Variants in DOCK2 observed in about 807,000 individuals in gnomAD.
DOCK2 encodes dedicator of cytokinesis protein 2.
DOCK2 carries 87 observed loss-of-function variants against 248.9 expected under a neutral mutation model. That is an observed-to-expected ratio of 0.35 (90% CI 0.29 to 0.42). The LOEUF is 0.42. Among genes scored for constraint, DOCK2 ranks in the 10% least tolerant of loss-of-function variants. DOCK2 has a pLI of 1.00. For synonymous variants in DOCK2, 805 were observed against 821.6 expected (o/e 0.98, Z 0.35); for missense variants, 1,747 against 2,300.2 (o/e 0.76, Z 4.92).
intron 32 of DOCK2, among the ~76,000 whole-genome samples, chr5:170,015,087 C>A (rs1755468075): frequency 6.6e-6 from 1 of 152,096 alleles, no homozygotes. Context: ...TCAGGGAGCT[C>A]CATGGGGTTA....
intron 30 of DOCK2, among the ~76,000 whole-genome samples, chr5:170,001,920 G>A (rs1246366858): frequency 6.6e-6 from 1 of 152,168 alleles, no homozygotes; most frequent in African/African-American, 2.4e-5. Flanking sequence ...GAGTTTGCTA[G>A]CCAGTGATTT....
intron 32 of DOCK2, among the ~76,000 whole-genome samples, chr5:170,011,269 T>C (rs1413792420): frequency 6.6e-6 from 1 of 152,210 alleles, no homozygotes; most frequent in Non-Finnish European, 1.5e-5. Context: ...TGGAAGCAAC[T>C]GATCTGGTCC....
At chr5:169,824,929 A>G (rs1768742068) in intron 26 of DOCK2, among the ~76,000 whole-genome samples, 1 of 152,224 alleles carries the variant, frequency 6.6e-6, no homozygotes, top group African/African-American at 2.4e-5. Flanking sequence ...ATTTACAAGA[A>G]AAAAACAACC....
chr5:170,060,655 A>G (rs896028636), intron 44 of DOCK2, among the ~76,000 whole-genome samples: 1 of 152,240 alleles, frequency 6.6e-6, no homozygotes, highest in African/African-American at 2.4e-5. Flanking sequence ...CTCAGAGGTC[A>G]TGAGAGAGCA....
chr5:169,830,226 A>C (rs2113285686), intron 26 of DOCK2, among the ~76,000 whole-genome samples: 1 of 152,378 alleles, frequency 6.6e-6, no homozygotes, highest in South Asian at 2.1e-4. Context: ...CCAGCGTAGC[A>C]GATCTATAAG....
intron 27 of DOCK2, chr5:169,881,509 C>T: frequency 8.0e-7 from 1 of 1,242,452 alleles, no homozygotes; most frequent in Non-Finnish European, 1.2e-6. Context: ...AACATTCAAC[C>T]TACTTGTCCC....
intron 44 of DOCK2, among the ~76,000 whole-genome samples, chr5:170,061,806 G>A (rs1581567039): frequency 6.6e-6 from 1 of 152,174 alleles, no homozygotes; most frequent in South Asian, 2.1e-4. Flanking sequence ...GCAGTCTATT[G>A]TTCAAATGCA....
At position 169,863,374 on chromosome 5, in the gene DOCK2, A is replaced by G. The variant is rs369639535; in HGVS notation, c.2799+22522A>G. Among the ~76,000 whole-genome samples, 26 of 152,302 alleles carry G rather than the reference A, an allele frequency of 1.7e-4. No homozygotes were observed. The East Asian group carries it at 2.3e-3, about 14-fold the overall frequency. On this transcript the variant is annotated intron_variant, in intron 27 of 51. Transcript: ENST00000520908. ...GTTTTATCTTAGCCTTATCTATGTT[A>G]CTCATAAGATGTAACTGATGGACAG... is the stretch of plus-strand genomic sequence containing the variant.
chr5:169,796,786 A>C (rs1024809952), intron 25 of DOCK2, among the ~76,000 whole-genome samples: 1 of 152,222 alleles, frequency 6.6e-6, no homozygotes, highest in Non-Finnish European at 1.5e-5. Context: ...CTGGGACAAG[A>C]GTATTCTAGG....
At chr5:169,976,872 C>T (rs1468367530) in intron 27 of DOCK2, among the ~76,000 whole-genome samples, 1 of 152,234 alleles carries the variant, frequency 6.6e-6, no homozygotes, top group Admixed American at 6.5e-5. Context: ...GCATATGCAA[C>T]ATCCAAGTGG....
chr5:169,877,470 T>C (rs1772398131), intron 27 of DOCK2, among the ~76,000 whole-genome samples: 1 of 152,178 alleles, frequency 6.6e-6, no homozygotes, highest in Non-Finnish European at 1.5e-5. Flanking sequence ...ATTTGGCATA[T>C]GAAGAGAAAG....
At chr5:169,769,706 T>A (rs765965287) in intron 25 of DOCK2, among the ~76,000 whole-genome samples, 1 of 152,224 alleles carries the variant, frequency 6.6e-6, no homozygotes, top group Non-Finnish European at 1.5e-5. Flanking sequence ...GGGCTTTGGA[T>A]GCAGGTGGCC....
At chr5:169,904,712 G>T (rs1774172698) in intron 27 of DOCK2, among the ~76,000 whole-genome samples, 2 of 152,190 alleles carry the variant, frequency 1.3e-5, no homozygotes, top group African/African-American at 4.8e-5. Context: ...ACCGAGGGTG[G>T]CCTCAGCTCA....
At chr5:169,784,038 C>G (rs1220189901) in intron 25 of DOCK2, among the ~76,000 whole-genome samples, 11 of 152,112 alleles carry the variant, frequency 7.2e-5, no homozygotes. Context: ...AGTGTCTTGC[C>G]CACTGGCTTT....
In DOCK2 at chr5:170,041,073, C is replaced by T. The variant is rs149321142; in HGVS notation, c.3684C>T (p.Arg1228=). The change falls in exon 37 of 52, where the codon CGC becomes CGT. Residue 1228 remains arginine (R), a synonymous_variant. Transcript: ENST00000520908. ...CAAACAGGTACCTGTACAAACTCCG[C>T]GATCTTCACCTGGACTGTGACAATT... ...EMYIRYLYKL[R]DLHLDCDNYT... 2.0e-5 allele frequency: 32 copies of T among 1,612,912 alleles called. No homozygotes were observed. The highest frequency in any genetic ancestry group is 3.3e-4 in the Middle Eastern group (2 of 6,082).
Position 169,698,450 on chromosome 5 carries a change from G to T in DOCK2, c.1055+1G>T, listed in dbSNP as rs1429834722. ...AGCAGCACTTCATTCCTTTTCACCC[G>T]TAAGACATTTCCCATTTCTTTCCAT... is the stretch of plus-strand genomic sequence containing the variant. On this transcript the variant is annotated splice_donor_variant, in intron 11 of 51. Coordinates refer to ENST00000520908, the MANE Select transcript of DOCK2 (RefSeq NM_004946.3). LOFTEE classifies it high-confidence loss of function. 2.5e-6 allele frequency: 4 copies of T among 1,613,894 alleles called. No individual in the cohort carries two copies. The highest frequency in any genetic ancestry group is 2.7e-5 in the African/African-American group (2 of 75,030).
intron 23 of DOCK2, among the ~76,000 whole-genome samples, chr5:169,758,623 A>G (rs775992937): frequency 2.8e-4 from 43 of 152,352 alleles, no homozygotes; most frequent in Admixed American, 2.6e-4. Context: ...CTGGCTCTCC[A>G]CTTGCTAACT....
chr5:169,898,880 G>T (rs532597004), intron 27 of DOCK2, among the ~76,000 whole-genome samples: 86 of 152,304 alleles, frequency 5.6e-4, no homozygotes, highest in African/African-American at 1.9e-3. Flanking sequence ...CAGCAAGTCA[G>T]AGAACCAGAT....
intron 32 of DOCK2, among the ~76,000 whole-genome samples, chr5:170,013,812 C>T (rs148812484): frequency 6.6e-6 from 1 of 152,256 alleles, no homozygotes; most frequent in East Asian, 1.9e-4. Flanking sequence ...ACATCCTCTA[C>T]ATGCCAGGTA....
Sources: gnomAD v4.1 joint callset for allele counts (sites outside exome capture counted in the v4.1 genomes callset) on GRCh38, gnomAD v4.1.1 for gene constraint, MANE v1.5 for transcripts, NCBI Gene and HGNC (gene_info 2026-07-23, HGNC 2026-07-21) for gene names.